ATE1: variants seen among roughly 807,000 people sequenced by gnomAD.
ATE1 encodes the protein arginyl-tRNA--protein transferase 1.
In ATE1, 36 loss-of-function variants were observed where a neutral mutation model predicts 70.5. The observed-to-expected ratio is 0.51, with a 90% CI of 0.39 to 0.67. The LOEUF (loss-of-function observed/expected upper bound fraction) is 0.67. ATE1 is among the 30% of genes least tolerant of loss of function. The pLI is 0.00. For synonymous variants in ATE1, 232 were observed against 219.3 expected (o/e 1.06, Z -0.51); for missense variants, 593 against 629.5 (o/e 0.94, Z 0.62).
chr10:121,857,574 T>C (rs1296919781), intron 8 of ATE1, among the ~76,000 whole-genome samples: 1 of 152,172 alleles, frequency 6.6e-6, no homozygotes, highest in Admixed American at 6.5e-5. Flanking sequence ...AAAAATAGTA[T>C]TTGACCCAGC....
At chr10:121,837,947 C>A (rs2133761620) in intron 9 of ATE1, among the ~76,000 whole-genome samples, 1 of 152,248 alleles carries the variant, frequency 6.6e-6, no homozygotes, top group South Asian at 2.1e-4. Context: ...CGGATTTGTT[C>A]TGGCCCCAAA....
intron 8 of ATE1, among the ~76,000 whole-genome samples, chr10:121,854,079 T>A (rs1949156666): frequency 6.6e-6 from 1 of 152,194 alleles, no homozygotes; most frequent in South Asian, 2.1e-4. Context: ...ACTACAGCAC[T>A]GGGTATTCTT....
chr10:121,802,352 A>G (rs917862703), intron 10 of ATE1, among the ~76,000 whole-genome samples: 3 of 150,826 alleles, frequency 2.0e-5, no homozygotes, highest in Non-Finnish European at 2.9e-5. Flanking sequence ...ACTGTTGCCC[A>G]GGTTGGAGTG....
intron 10 of ATE1, among the ~76,000 whole-genome samples, chr10:121,795,330 C>G (rs1304094371): frequency 6.6e-6 from 1 of 152,076 alleles, no homozygotes; most frequent in Non-Finnish European, 1.5e-5. Flanking sequence ...GTAACAGGCA[C>G]TAAAGGCTGG....
At chr10:121,791,450 A>T (rs1946452499) in intron 10 of ATE1, among the ~76,000 whole-genome samples, 1 of 152,188 alleles carries the variant, frequency 6.6e-6, no homozygotes, top group Non-Finnish European at 1.5e-5. Flanking sequence ...AGACTATACA[A>T]TAGATGCTAA....
At chr10:121,905,545 G>C (rs979232761) in intron 5 of ATE1, among the ~76,000 whole-genome samples, 5 of 152,092 alleles carry the variant, frequency 3.3e-5, no homozygotes, top group African/African-American at 1.2e-4. Context: ...TACTACAGTG[G>C]AAAGTAGGAT....
At position 121,910,944 on chromosome 10, in the gene ATE1, G is replaced by A. The variant is rs752714936; in HGVS notation, c.545C>T (p.Pro182Leu). The A allele has an allele frequency of 1.1e-5, 18 of 1,613,628 alleles. No individual in the cohort carries two copies. The highest frequency in any genetic ancestry group is 6.7e-5 in the Admixed American group (4 of 59,872). The change falls in exon 5 of 12, where the codon CCG becomes CTG. Residue 182 changes from proline to leucine, a missense_variant. Pro to Leu is a moderately conservative substitution (Grantham distance 98). Transcript: ENST00000224652. Reference sequence around the variant, plus strand: ...TGTGTGAACTTTAACTGAATGTGACGGTTCACCAGAGCCCAACTTCTCTCC... The same window carrying A: ...TGTGTGAACTTTAACTGAATGTGACAGTTCACCAGAGCCCAACTTCTCTCC... The part of the protein sequence containing the change: ...FVGEKLGSGE[P>L]SHSVKVHTVP...
chr10:121,915,124 T>C (rs368548424), intron 3 of ATE1, among the ~76,000 whole-genome samples: 10 of 152,132 alleles, frequency 6.6e-5, no homozygotes, highest in South Asian at 4.1e-4. Context: ...CTGGAGGACA[T>C]AGACCATGAC....
At chr10:121,848,415 G>A (rs532809037) in intron 8 of ATE1, among the ~76,000 whole-genome samples, 41 of 151,890 alleles carry the variant, frequency 2.7e-4, no homozygotes, top group African/African-American at 8.9e-4. Flanking sequence ...CAAGGAGTTC[G>A]AGACCAGCCT....
At chr10:121,813,117 A>G (rs1169982646) in intron 10 of ATE1, among the ~76,000 whole-genome samples, 1 of 152,206 alleles carries the variant, frequency 6.6e-6, no homozygotes, top group Non-Finnish European at 1.5e-5. Flanking sequence ...TTTTAAGTCA[A>G]TGTTTTTATG....
chr10:121,841,031 T>G, intron 9 of ATE1, 51 bp downstream of exon 9: 2 of 1,311,654 alleles, frequency 1.5e-6, no homozygotes, highest in Non-Finnish European at 2.0e-6. Flanking sequence ...AATGAGTAAT[T>G]ATTTGAAGTT....
At chr10:121,798,901 GAA>G (rs66790507) in intron 10 of ATE1, among the ~76,000 whole-genome samples, 19 of 105,624 alleles carry the variant, frequency 1.8e-4, no homozygotes, top group Admixed American at 3.6e-4. Flanking sequence ...TCTGTCTCAA[GAA>G]AAAAAAAAAA....
intron 11 of ATE1, among the ~76,000 whole-genome samples, chr10:121,765,462 T>C (rs1945240848): frequency 6.6e-6 from 1 of 152,202 alleles, no homozygotes; most frequent in Admixed American, 6.5e-5. Context: ...TGCAGAACAA[T>C]TAGACTGTGC....
intron 1 of ATE1, among the ~76,000 whole-genome samples, chr10:121,926,490 GATT>G (rs1355277611): frequency 6.6e-6 from 1 of 152,156 alleles, no homozygotes; most frequent in African/African-American, 2.4e-5. Context: ...AGAAATTGAT[GATT>G]ATTTTCTCTT....
chr10:121,926,597 A>C, intron 1 of ATE1: 1 of 556,796 alleles, frequency 1.8e-6, no homozygotes, highest in Non-Finnish European at 2.3e-6. Flanking sequence ...ATTGGAAAAA[A>C]ATAAGTAATG....
intron 10 of ATE1, among the ~76,000 whole-genome samples, chr10:121,818,013 G>A (rs1296019114): frequency 6.6e-6 from 1 of 152,028 alleles, no homozygotes; most frequent in African/African-American, 2.4e-5. Flanking sequence ...AGTTAAGGCT[G>A]GGCACAGTGG....
rs550696442 is a variant in ATE1 at position 121,747,185 on chromosome 10, C to T, written c.1379-3327G>A. Among the ~76,000 whole-genome samples, 6 of 152,272 alleles carry T rather than the reference C, an allele frequency of 3.9e-5. No individual in the cohort carries two copies. The South Asian group carries it at 1.2e-3, about 32-fold the overall frequency. On this transcript the variant is annotated intron_variant, in intron 11 of 11. Transcript: ENST00000224652. ...CATCCACAGAACTGAGTGCCATTGTCGTTTTCTATTGTTAATTTGTCCAGG... is the reference window on the plus strand; with the variant it reads ...CATCCACAGAACTGAGTGCCATTGTTGTTTTCTATTGTTAATTTGTCCAGG...
At chr10:121,820,079 C>T (rs1022123368) in intron 10 of ATE1, among the ~76,000 whole-genome samples, 9 of 151,760 alleles carry the variant, frequency 5.9e-5, no homozygotes, top group African/African-American at 2.2e-4. Context: ...GAGGCGGAGG[C>T]TGCAATGAGC....
chr10:121,757,015 G>C (rs1478217337), intron 11 of ATE1, among the ~76,000 whole-genome samples: 1 of 152,078 alleles, frequency 6.6e-6, no homozygotes, highest in Non-Finnish European at 1.5e-5. Flanking sequence ...AAACTTTTAT[G>C]CTCTGCTTCC....
Sources: gnomAD v4.1 joint callset for allele counts (sites outside exome capture counted in the v4.1 genomes callset) on GRCh38, gnomAD v4.1.1 for gene constraint, MANE v1.5 for transcripts, NCBI Gene and HGNC (gene_info 2026-07-23, HGNC 2026-07-21) for gene names.